ELAVL4: variants seen among roughly 807,000 people sequenced by gnomAD.
The protein encoded by ELAVL4 is ELAV-like protein 4.
Under a neutral mutation model 35.6 loss-of-function variants are expected in ELAVL4, and 1 was observed. The ratio of observed to expected loss-of-function variants is 0.03; its 90% CI spans 0.01 to 0.13. The LOEUF (loss-of-function observed/expected upper bound fraction) is 0.13. Ranked by LOEUF, ELAVL4 falls within the 10% of genes least tolerant of loss-of-function variation. ELAVL4 has a pLI of 1.00. For synonymous variants in ELAVL4, 156 were observed against 171.0 expected (o/e 0.91, Z 0.69); for missense variants, 267 against 464.9 (o/e 0.57, Z 3.91).
rs556801090 is a variant in ELAVL4, at chr1:50,172,211, C to CAGAA, written c.251-4878_251-4877insAGAA. On this transcript the variant is annotated intron_variant, in intron 2 of 6. Transcript: ENST00000371824. Reference sequence around the variant, plus strand: ...CAGGATCAGAATAATCTCCAGGATCCTAAAGGCAAGGAAAAGCTACGTCTA... The same window carrying CAGAA: ...CAGGATCAGAATAATCTCCAGGATCCAGAATAAAGGCAAGGAAAAGCTACGTCTA... Among the ~76,000 whole-genome samples the CAGAA allele has an allele frequency of 3.3e-3, 500 of 152,234 alleles. 1 individual carries two copies. The highest frequency in any genetic ancestry group is 0.011 in the African/African-American group (468 of 41,520).
In ELAVL4 at chr1:50,201,646, TTC is replaced by T. The variant is rs1004481399; in HGVS notation, c.*470_*471del. On this transcript the variant is annotated 3_prime_UTR_variant, in exon 7 of 7. Coordinates refer to ENST00000371824, the MANE Select transcript of ELAVL4 (RefSeq NM_001144774.3). The surrounding 1 kb of genome is among the most constrained non-coding windows in gnomAD (Gnocchi z 4.3). Reference sequence around the variant, plus strand: ...ATTCAAAGAAAGGAAAAAAAGATTTTTCTTTTTTGTCAAAATATCGATCCAAT... The same window carrying T: ...ATTCAAAGAAAGGAAAAAAAGATTTTTTTTTTGTCAAAATATCGATCCAAT... 1.3e-5 allele frequency: 2 copies of T among 151,980 alleles called. No homozygotes were observed. Among genetic ancestry groups the T allele is most frequent in the African/African-American group, 4.8e-5 (2 of 41,428 alleles). The allele number at this position is 151,980 out of a possible 1,614,324, so 9.4% of individuals were successfully genotyped here. A position where few individuals can be genotyped will look rare whatever the true frequency, so the allele number is the denominator to read the frequency against.
intron 1 of ELAVL4, among the ~76,000 whole-genome samples, chr1:50,086,801 G>A (rs577872677): frequency 1.1e-3 from 164 of 152,130 alleles, no homozygotes; most frequent in African/African-American, 3.9e-3. Flanking sequence ...AGTGTTCTTT[G>A]TTGTTTGCTT....
intron 2 of ELAVL4, among the ~76,000 whole-genome samples, chr1:50,147,198 A>C (rs924814441): frequency 2.6e-5 from 4 of 152,164 alleles, no homozygotes; most frequent in African/African-American, 4.8e-5. Context: ...ATTCAGGCCC[A>C]AAAAATTTTT....
intron 1 of ELAVL4, among the ~76,000 whole-genome samples, chr1:50,088,882 T>C (rs1361646846): frequency 6.6e-6 from 1 of 151,670 alleles, no homozygotes; most frequent in African/African-American, 2.4e-5. Flanking sequence ...TAAGCCTTAG[T>C]GACTGCCAGG....
intron 1 of ELAVL4, among the ~76,000 whole-genome samples, chr1:50,122,876 A>G (rs1055967278): frequency 2.6e-5 from 4 of 152,090 alleles, no homozygotes; most frequent in African/African-American, 9.7e-5. Context: ...CACATTTTTA[A>G]AAGGATTAAT....
chr1:50,197,340 T>G, intron 5 of ELAVL4, 89 bp from the exon 6 acceptor site: 1 of 1,355,462 alleles, frequency 7.4e-7, no homozygotes, highest in Non-Finnish European at 9.9e-7. Flanking sequence ...CTTTTCTTCT[T>G]TGAAAATGGA....
intron 5 of ELAVL4, 146 bp downstream of exon 5, chr1:50,195,932 G>T: frequency 2.2e-6 from 2 of 898,222 alleles, no homozygotes; most frequent in Non-Finnish European, 3.3e-6. Context: ...CCGAGCCTCA[G>T]TTTCCATTCC....
At chr1:50,108,069 G>T (rs1216867766), upstream of ELAVL4, among the ~76,000 whole-genome samples, 1 of 152,178 alleles carries the variant, frequency 6.6e-6, no homozygotes, top group East Asian at 1.9e-4. Flanking sequence ...CTCTAAAGGG[G>T]TAGGAGAATG....
In ELAVL4 at chr1:50,095,399, G is replaced by A. The variant is rs373928929; in HGVS notation, c.18+47217G>A. ...ATATTGAGGGTTTTCATAATATTTT[G>A]CTTAGAAAAAAGCACTTGCTATAAA... On this transcript the variant is annotated intron_variant, in intron 1 of 6. Transcript: ENST00000448907. 1.1e-4 allele frequency among the ~76,000 whole-genome samples: 17 copies of A among 151,852 alleles called. No individual in the cohort carries two copies. The East Asian group carries it at 2.9e-3, about 26-fold the overall frequency.
rs1170246541 is a variant in ELAVL4 at position 50,127,367 on chromosome 1, A to G, written c.10-17590A>G. On this transcript the variant is annotated intron_variant, in intron 1 of 6. Transcript: ENST00000371824. ...TATAGGGTGGTAAGTACCAGGACAG[A>G]GGAGAGAGAGGAGTTGTCTGAAGCT... Among the ~76,000 whole-genome samples the G allele has an allele frequency of 2.6e-5, 4 of 152,250 alleles. No individual in the cohort carries two copies. The South Asian group carries it at 8.3e-4, about 32-fold the overall frequency.
At chr1:50,125,699 C>G (rs1030736234) in intron 1 of ELAVL4, among the ~76,000 whole-genome samples, 2 of 152,058 alleles carry the variant, frequency 1.3e-5, no homozygotes, top group African/African-American at 4.8e-5. Flanking sequence ...CAACTAAGAA[C>G]AGGGTCAGCC....
chr1:50,134,808 A>C (rs913961328), intron 1 of ELAVL4, among the ~76,000 whole-genome samples: 9 of 152,074 alleles, frequency 5.9e-5, no homozygotes, highest in African/African-American at 1.9e-4. Flanking sequence ...TTTGTTGTAA[A>C]AGTCAGTTAA....
intron 1 of ELAVL4, among the ~76,000 whole-genome samples, chr1:50,048,912 T>C (rs979093018): frequency 4.6e-5 from 7 of 152,180 alleles, no homozygotes; most frequent in Non-Finnish European, 7.4e-5. Context: ...GTTATACATG[T>C]AGGATTTAGT....
intron 2 of ELAVL4, among the ~76,000 whole-genome samples, chr1:50,147,115 AAAG>A (rs1350793338): frequency 5.3e-5 from 8 of 152,140 alleles, no homozygotes; most frequent in African/African-American, 1.7e-4. Context: ...ATCTGAGCTT[AAAG>A]AAGAAGCTTA....
intron 3 of ELAVL4, among the ~76,000 whole-genome samples, chr1:50,185,409 T>G (rs1282019920): frequency 6.6e-6 from 1 of 152,250 alleles, no homozygotes; most frequent in Non-Finnish European, 1.5e-5. Context: ...GTGTGATCTT[T>G]CTGGCTTGGT....
chr1:50,086,569 C>CT (rs1368141297), intron 1 of ELAVL4, among the ~76,000 whole-genome samples: 1 of 151,452 alleles, frequency 6.6e-6, no homozygotes, highest in Non-Finnish European at 1.5e-5. Flanking sequence ...AATAAGGATG[C>CT]TTTTTATGGC....
intron 1 of ELAVL4, among the ~76,000 whole-genome samples, chr1:50,079,176 C>T (rs1664893765): frequency 6.6e-6 from 1 of 152,166 alleles, no homozygotes; most frequent in South Asian, 2.1e-4. Context: ...ATCCTCCTGC[C>T]TCAGCCTCCC....
In ELAVL4 at chr1:50,195,679, T is replaced by C; in HGVS notation, c.627T>C (p.Phe209=). The C allele has an allele frequency of 6.2e-7, 1 of 1,614,150 alleles. No homozygotes were observed. Among genetic ancestry groups the C allele is most frequent in the Non-Finnish European group, 8.5e-7 (1 of 1,180,004 alleles). ...CTACGGAACCGATTACTGTGAAGTT[T>C]GCCAACAACCCCAGCCAGAAGTCCA... ...SGATEPITVK[F]ANNPSQKSSQ... is the part of the protein sequence containing the mutation. Residue 209 remains phenylalanine (F), a synonymous_variant, in exon 5 of 7, where the codon TTT becomes TTC. Coordinates refer to ENST00000371824, the MANE Select transcript of ELAVL4 (RefSeq NM_001144774.3).
At chr1:50,146,131 A>G (rs940248492) in intron 2 of ELAVL4, among the ~76,000 whole-genome samples, 1 of 150,924 alleles carries the variant, frequency 6.6e-6, no homozygotes, top group African/African-American at 2.4e-5. Flanking sequence ...TAGACAGTTT[A>G]ATTAATCAGC....
Sources: allele counts gnomAD v4.1 joint callset (sites outside exome capture counted in the v4.1 genomes callset), GRCh38; gene constraint gnomAD v4.1.1; non-coding constraint Gnocchi (gnomAD v3.1); transcripts MANE v1.5; gene names NCBI Gene and HGNC (gene_info 2026-07-23, HGNC 2026-07-21).